Variants in EHBP1 observed in about 807,000 individuals in gnomAD.
EHBP1 encodes the protein EH domain binding protein 1.
A neutral mutation model predicts 144.0 loss-of-function variants in EHBP1; 55 were observed. That is an observed-to-expected ratio of 0.38 (90% CI 0.31 to 0.48). EHBP1 has a LOEUF of 0.48. Among genes scored for constraint, EHBP1 ranks in the 20% least tolerant of loss-of-function variants. The pLI is 0.98. For missense variants in EHBP1, 1,200 were observed against 1,364.2 expected (o/e 0.88, Z 1.90); for synonymous variants, 469 against 472.7 (o/e 0.99, Z 0.10).
chr2:62,764,893 T>C (rs1488071659), intron 4 of EHBP1, among the ~76,000 whole-genome samples: 3 of 152,056 alleles, frequency 2.0e-5, no homozygotes, highest in Non-Finnish European at 4.4e-5. Context: ...AAGAAAGTTA[T>C]CAGTATGTTT....
chr2:62,899,343 T>C (rs2053212368), intron 10 of EHBP1, among the ~76,000 whole-genome samples: 1 of 152,206 alleles, frequency 6.6e-6, no homozygotes, highest in Non-Finnish European at 1.5e-5. Flanking sequence ...TGGCTTCAAG[T>C]GTCTCAAGGT....
intron 19 of EHBP1, among the ~76,000 whole-genome samples, chr2:63,026,294 T>TTG (rs60109170): frequency 0.16 from 21,036 of 128,822 alleles, 1,819 homozygotes; most frequent in Non-Finnish European, 0.2. Flanking sequence ...GCTCTCTACC[T>TTG]TGTGTGTGTG....
intron 2 of EHBP1, among the ~76,000 whole-genome samples, chr2:62,715,745 G>C (rs545565671): frequency 3.9e-5 from 6 of 152,178 alleles, no homozygotes; most frequent in Admixed American, 6.5e-5. Flanking sequence ...ACTGGGGGAT[G>C]ATGGGTAACA....
At chr2:62,743,271 A>G (rs2152118568) in intron 2 of EHBP1, among the ~76,000 whole-genome samples, 1 of 152,194 alleles carries the variant, frequency 6.6e-6, no homozygotes, top group Admixed American at 6.6e-5. Context: ...GTGTCATTGT[A>G]AATTACAGTT....
At chr2:62,802,969 C>T (rs1363174575) in intron 5 of EHBP1, among the ~76,000 whole-genome samples, 1 of 152,092 alleles carries the variant, frequency 6.6e-6, no homozygotes, top group Non-Finnish European at 1.5e-5. Context: ...AGGTGATCCG[C>T]CCACGTTGGC....
chr2:62,860,333 TATA>T (rs1398240674), intron 8 of EHBP1, among the ~76,000 whole-genome samples: 2 of 151,976 alleles, frequency 1.3e-5, no homozygotes, highest in Admixed American at 1.3e-4. Flanking sequence ...CTACTAAAAA[TATA>T]AAAAGTTAGC....
chr2:62,874,836 G>A (rs552112452), intron 10 of EHBP1, among the ~76,000 whole-genome samples: 66 of 152,272 alleles, frequency 4.3e-4, no homozygotes, highest in African/African-American at 1.6e-3. Context: ...CTATAGGAGA[G>A]CTTCAGCAGA....
chr2:62,694,179 G>T (rs950400266), intron 1 of EHBP1, among the ~76,000 whole-genome samples: 1 of 152,060 alleles, frequency 6.6e-6, no homozygotes. Flanking sequence ...CCTTAAGGGC[G>T]TTCTTTTTCA....
At chr2:62,882,617 TC>T (rs2051545831) in intron 10 of EHBP1, among the ~76,000 whole-genome samples, 1 of 152,218 alleles carries the variant, frequency 6.6e-6, no homozygotes, top group Non-Finnish European at 1.5e-5. Flanking sequence ...GTGCGGTGGC[TC>T]ACGCCTGTAA....
intron 2 of EHBP1, among the ~76,000 whole-genome samples, chr2:62,732,270 T>C (rs1243594942): frequency 6.6e-6 from 1 of 152,232 alleles, no homozygotes; most frequent in Non-Finnish European, 1.5e-5. Context: ...GTTTGGTGTC[T>C]ATTAATTTTT....
chr2:62,892,472 G>T (rs2052540224), intron 10 of EHBP1, among the ~76,000 whole-genome samples: 1 of 152,026 alleles, frequency 6.6e-6, no homozygotes, highest in Non-Finnish European at 1.5e-5. Context: ...CACAGCTTCA[G>T]TTATTAAGTA....
At chr2:62,805,893 C>T (rs1457310217) in intron 5 of EHBP1, among the ~76,000 whole-genome samples, 2 of 152,086 alleles carry the variant, frequency 1.3e-5, no homozygotes, top group Admixed American at 1.3e-4. Flanking sequence ...CAATTGCTGT[C>T]TTTCAGTTGC....
At chr2:62,876,387 G>A (rs1404106548) in intron 10 of EHBP1, among the ~76,000 whole-genome samples, 5 of 152,110 alleles carry the variant, frequency 3.3e-5, no homozygotes, top group African/African-American at 9.7e-5. Context: ...ACTAAACTTC[G>A]TAAGATAAGA....
At chr2:62,964,372 T>G (rs2058143682) in intron 14 of EHBP1, among the ~76,000 whole-genome samples, 1 of 152,226 alleles carries the variant, frequency 6.6e-6, no homozygotes. Flanking sequence ...AGTGCCGTGT[T>G]GAACATCCCA....
intron 2 of EHBP1, among the ~76,000 whole-genome samples, chr2:62,732,482 A>G (rs1033033810): frequency 5.3e-5 from 8 of 151,990 alleles, no homozygotes; most frequent in Non-Finnish European, 1.2e-4. Flanking sequence ...TGTGGGGACA[A>G]TTTCTAATGG....
chr2:62,996,595 C>G (rs1281702363), intron 18 of EHBP1, 48 bp from the exon 19 acceptor site: 1 of 1,610,216 alleles, frequency 6.2e-7, no homozygotes, highest in South Asian at 1.1e-5. Flanking sequence ...AGGAAAAATG[C>G]AACTTACAAG....
intron 13 of EHBP1, 41 bp from the exon 14 acceptor site, chr2:62,955,476 G>GTTTT: frequency 2.2e-6 from 3 of 1,361,540 alleles, no homozygotes; most frequent in Non-Finnish European, 3.0e-6. Flanking sequence ...TAGATTACCC[G>GTTTT]TTTTTTTTTT....
chr2:62,921,862 A>T (rs1399164015), intron 10 of EHBP1, among the ~76,000 whole-genome samples: 2 of 152,214 alleles, frequency 1.3e-5, no homozygotes, highest in African/African-American at 2.4e-5. Context: ...TTACAGTTAA[A>T]TGAGCTAGAG....
At chr2:62,843,081 G>T (rs2048034254) in intron 7 of EHBP1, among the ~76,000 whole-genome samples, 1 of 152,138 alleles carries the variant, frequency 6.6e-6, no homozygotes, top group South Asian at 2.1e-4. Flanking sequence ...GAATCTAATT[G>T]AAGAAATTGT....
Sources: allele counts gnomAD v4.1 joint callset (sites outside exome capture counted in the v4.1 genomes callset), GRCh38; gene constraint gnomAD v4.1.1; transcripts MANE v1.5; gene names NCBI Gene and HGNC (gene_info 2026-07-23, HGNC 2026-07-21).